CHN1: variants seen among roughly 807,000 people sequenced by gnomAD.
CHN1 encodes N-chimaerin.
A neutral mutation model predicts 59.5 loss-of-function variants in CHN1; 37 were observed. That is an observed-to-expected ratio of 0.62 (90% CI 0.48 to 0.82). The LOEUF is 0.82. Among genes scored for constraint, CHN1 ranks in the 40% least tolerant of loss-of-function variants. The probability of loss-of-function intolerance (pLI) is 0.00; values close to 1 mark genes in which losing one functional copy is unlikely to be tolerated. For synonymous variants in CHN1, 206 were observed against 200.4 expected (o/e 1.03, Z -0.24); for missense variants, 469 against 571.0 (o/e 0.82, Z 1.82).
chr2:174,892,384 C>G (rs370251102), intron 5 of CHN1, among the ~76,000 whole-genome samples: 34 of 152,294 alleles, frequency 2.2e-4, no homozygotes, highest in African/African-American at 5.8e-4. Context: ...GGCCCTTTTT[C>G]CCTTCTGTTC....
intron 8 of CHN1, 101 bp from the exon 9 acceptor site, chr2:174,812,583 G>A: frequency 9.7e-7 from 1 of 1,034,746 alleles, no homozygotes; most frequent in Non-Finnish European, 1.4e-6. Flanking sequence ...CTTGAATTAG[G>A]TTTTAAAGTG....
At chr2:174,803,531 C>T (rs569659263) in intron 11 of CHN1, among the ~76,000 whole-genome samples, 144 of 152,282 alleles carry the variant, frequency 9.5e-4, no homozygotes, top group African/African-American at 2.7e-3. Flanking sequence ...GAATAAAAGA[C>T]GAATACTCCA....
At chr2:174,951,874 C>T (rs1396925982) in intron 2 of CHN1, among the ~76,000 whole-genome samples, 7 of 152,198 alleles carry the variant, frequency 4.6e-5, no homozygotes, top group Admixed American at 2.0e-4. Flanking sequence ...CTCAGTGTCT[C>T]CTTGTATTAG....
At position 174,943,913 on chromosome 2, in the gene CHN1, T is replaced by G. The variant is rs538624902; in HGVS notation, c.114+975A>C. On this transcript the variant is annotated intron_variant, in intron 3 of 12. Transcript: ENST00000409900. ...ATCAAGCTGTCTTCTCACCTGTGCC[T>G]AGCTAAGTGTTGAGATTACTGGCAT... Among the ~76,000 whole-genome samples the G allele has an allele frequency of 5.3e-5, 8 of 152,326 alleles. No homozygotes were observed. The East Asian group carries it at 1.5e-3, about 29-fold the overall frequency.
intron 6 of CHN1, among the ~76,000 whole-genome samples, chr2:174,851,247 C>T (rs549347319): frequency 1.3e-5 from 2 of 152,262 alleles, no homozygotes; most frequent in South Asian, 4.1e-4. Context: ...GTTATTTTGA[C>T]TGGGAATCCT....
intron 6 of CHN1, among the ~76,000 whole-genome samples, chr2:174,855,133 T>G (rs1489324961): frequency 6.6e-6 from 1 of 152,166 alleles, no homozygotes. Context: ...ATTCTCTAAC[T>G]AATAAATGTC....
At chr2:174,850,299 CA>C (rs1359485610) in intron 6 of CHN1, among the ~76,000 whole-genome samples, 3 of 151,662 alleles carry the variant, frequency 2.0e-5, no homozygotes, top group East Asian at 3.9e-4. Context: ...GCAGCTTACA[CA>C]AAAAAAGGTT....
At chr2:174,902,150 A>C (rs1031125776) in intron 5 of CHN1, among the ~76,000 whole-genome samples, 3 of 152,100 alleles carry the variant, frequency 2.0e-5, no homozygotes, top group African/African-American at 7.2e-5. Flanking sequence ...TTTGTATTGT[A>C]TATTTGTCAG....
At chr2:174,960,977 GA>G (rs898504205) in intron 1 of CHN1, among the ~76,000 whole-genome samples, 3 of 147,518 alleles carry the variant, frequency 2.0e-5, no homozygotes, top group Admixed American at 6.7e-5. Context: ...AAGACAAAAA[GA>G]AAAAAAAAAT....
intron 1 of CHN1, among the ~76,000 whole-genome samples, chr2:174,991,934 G>C (rs1195303793): frequency 6.6e-6 from 1 of 152,222 alleles, no homozygotes; most frequent in Non-Finnish European, 1.5e-5. Context: ...TTACTTTAGA[G>C]AAACTGTCAG....
At chr2:174,850,142 T>C (rs1274402521) in intron 6 of CHN1, among the ~76,000 whole-genome samples, 1 of 152,188 alleles carries the variant, frequency 6.6e-6, no homozygotes, top group Admixed American at 6.5e-5. Flanking sequence ...CAATTAGAAG[T>C]GATATCATCC....
intron 7 of CHN1, among the ~76,000 whole-genome samples, chr2:174,840,742 G>T (rs927287060): frequency 6.6e-6 from 1 of 152,032 alleles, no homozygotes; most frequent in Non-Finnish European, 1.5e-5. Flanking sequence ...ATTTTTCTTT[G>T]AAAAGATTGA....
Position 174,845,513 on chromosome 2 carries a change from T to C in CHN1, c.627+1367A>G, listed in dbSNP as rs559895040. 1.2e-4 allele frequency among the ~76,000 whole-genome samples: 18 copies of C among 152,270 alleles called. 1 individual carries two copies. The East Asian group carries it at 3.3e-3, about 28-fold the overall frequency. ...AGATGTAGTGAATGCTAGATACACA[T>C]ATGATACCTCTTTTCTATCCGGTAT... is the stretch of plus-strand genomic sequence containing the variant. On this transcript the variant is annotated intron_variant, in intron 7 of 12. Transcript: ENST00000409900.
At chr2:175,001,654 A>C (rs1691892693) in intron 1 of CHN1, among the ~76,000 whole-genome samples, 1 of 152,250 alleles carries the variant, frequency 6.6e-6, no homozygotes, top group South Asian at 2.1e-4. Flanking sequence ...GACTCTACCC[A>C]GATAGAGGAC....
intron 5 of CHN1, among the ~76,000 whole-genome samples, chr2:174,914,311 T>C (rs1339421047): frequency 6.6e-6 from 1 of 152,182 alleles, no homozygotes; most frequent in Non-Finnish European, 1.5e-5. Flanking sequence ...GGCACTGTAC[T>C]GTAAGCCAAA....
chr2:174,887,989 TATAA>T (rs1156930491), intron 5 of CHN1, among the ~76,000 whole-genome samples: 2 of 152,198 alleles, frequency 1.3e-5, no homozygotes, highest in Non-Finnish European at 2.9e-5. Flanking sequence ...CAGATAGACT[TATAA>T]ATATTTACTA....
intron 6 of CHN1, among the ~76,000 whole-genome samples, chr2:174,870,437 T>C (rs1687372335): frequency 6.6e-6 from 1 of 152,206 alleles, no homozygotes; most frequent in African/African-American, 2.4e-5. Context: ...GGCTATTGTT[T>C]TCCAATCTCT....
At chr2:174,895,181 T>C (rs1688177744) in intron 5 of CHN1, among the ~76,000 whole-genome samples, 1 of 135,514 alleles carries the variant, frequency 7.4e-6, no homozygotes, top group African/African-American at 2.8e-5. Context: ...TATAGGAGTA[T>C]ATATATGTGT....
At chr2:174,906,906 G>T (rs1688558813) in intron 5 of CHN1, among the ~76,000 whole-genome samples, 2 of 152,036 alleles carry the variant, frequency 1.3e-5, no homozygotes, top group African/African-American at 4.8e-5. Context: ...TTAAAAGGGG[G>T]GAAAAAATGA....
Sources: allele counts gnomAD v4.1 joint callset (sites outside exome capture counted in the v4.1 genomes callset), GRCh38; gene constraint gnomAD v4.1.1; transcripts MANE v1.5; gene names NCBI Gene and HGNC (gene_info 2026-07-23, HGNC 2026-07-21).